LARGE1: variants seen among roughly 807,000 people sequenced by gnomAD.
The protein encoded by LARGE1 is xylosyl- and glucuronyltransferase LARGE1.
A neutral mutation model predicts 87.6 loss-of-function variants in LARGE1; 43 were observed. That is an observed-to-expected ratio of 0.49 (90% CI 0.38 to 0.63). The LOEUF is 0.63. LARGE1 is among the 30% of genes least tolerant of loss of function. The pLI is 0.00. For synonymous variants in LARGE1, 434 were observed against 394.6 expected, an observed-to-expected ratio of 1.10 and a Z score of -1.18; for missense variants, 802 against 1,000.2, an observed-to-expected ratio of 0.80 and a Z score of 2.67.
At chr22:33,177,967 T>C (rs565459808) in intron 11 of LARGE1, among the ~76,000 whole-genome samples, 32 of 152,326 alleles carry the variant, frequency 2.1e-4, no homozygotes, top group African/African-American at 7.7e-4. Flanking sequence ...TGTCTCCTGC[T>C]GCTACCTTGT....
intron 6 of LARGE1, among the ~76,000 whole-genome samples, chr22:33,522,155 C>CA (rs2071635928): frequency 1.3e-5 from 2 of 152,204 alleles, no homozygotes; most frequent in Non-Finnish European, 2.9e-5. Context: ...GATCACATTT[C>CA]AACATGAGAT....
intron 2 of LARGE1, among the ~76,000 whole-genome samples, chr22:33,665,283 T>C (rs2081235452): frequency 6.6e-6 from 1 of 152,214 alleles, no homozygotes; most frequent in Non-Finnish European, 1.5e-5. Context: ...TTCCTTTTTA[T>C]TTGCCTGTCT....
chr22:33,153,554 C>T, the LARGE1 span, among the ~76,000 whole-genome samples: 12 of 152,238 alleles, frequency 7.9e-5, no homozygotes, highest in East Asian at 5.8e-4. Flanking sequence ...TGAAATTTCC[C>T]GTCTTCATGG....
intron 6 of LARGE1, among the ~76,000 whole-genome samples, chr22:33,484,911 GTTTTTT>G (rs545498648): frequency 7.7e-6 from 1 of 130,384 alleles, no homozygotes; most frequent in Non-Finnish European, 1.6e-5. Flanking sequence ...TAATGAGGTG[GTTTTTT>G]TTTTTTTTTT....
At chr22:33,221,254 T>C (rs1400911839) in intron 11 of LARGE1, among the ~76,000 whole-genome samples, 1 of 152,198 alleles carries the variant, frequency 6.6e-6, no homozygotes, top group Non-Finnish European at 1.5e-5. Flanking sequence ...AATTTAGTGC[T>C]GTGTACATCT....
intron 1 of LARGE1, among the ~76,000 whole-genome samples, chr22:33,881,717 G>A (rs978672112): frequency 9.8e-5 from 15 of 152,306 alleles, no homozygotes; most frequent in Middle Eastern, 3.4e-3. Flanking sequence ...CCCACCTACA[G>A]AGTATATTTC....
chr22:33,748,745 A>C (rs2084197976), intron 2 of LARGE1, among the ~76,000 whole-genome samples: 1 of 152,224 alleles, frequency 6.6e-6, no homozygotes, highest in Non-Finnish European at 1.5e-5. Flanking sequence ...TTCTCACTAC[A>C]GGTCATTTTG....
intron 1 of LARGE1, among the ~76,000 whole-genome samples, chr22:33,886,675 GAAAAA>G (rs1211215216): frequency 3.1e-5 from 2 of 64,718 alleles, no homozygotes; most frequent in Non-Finnish European, 6.4e-5. Flanking sequence ...AAAAAAAAAA[GAAAAA>G]AAAAGGAAGG....
intron 6 of LARGE1, among the ~76,000 whole-genome samples, chr22:33,544,377 A>G (rs1035844152): frequency 5.2e-4 from 79 of 152,174 alleles, no homozygotes; most frequent in African/African-American, 1.8e-3. Context: ...ATCACAGTTT[A>G]GCAAATAGAG....
chr22:33,628,382 T>C (rs571305173), intron 3 of LARGE1, among the ~76,000 whole-genome samples: 2 of 151,366 alleles, frequency 1.3e-5, no homozygotes, highest in African/African-American at 4.8e-5. Flanking sequence ...AGTGGCACTA[T>C]CTCAGCTCAC....
At chr22:33,362,691 A>G (rs909531495) in intron 9 of LARGE1, among the ~76,000 whole-genome samples, 1 of 150,114 alleles carries the variant, frequency 6.7e-6, no homozygotes, top group Non-Finnish European at 1.5e-5. Context: ...ATTAAATATT[A>G]TTTGAGTTTA....
chr22:33,284,259 C>T (rs533546764), intron 12 of LARGE1, among the ~76,000 whole-genome samples: 18 of 152,290 alleles, frequency 1.2e-4, no homozygotes, highest in African/African-American at 2.9e-4. Context: ...GACAGAGAGC[C>T]GATGAGAGAA....
chr22:33,466,730 C>A (rs2068634645), intron 6 of LARGE1, among the ~76,000 whole-genome samples: 1 of 148,752 alleles, frequency 6.7e-6, no homozygotes, highest in Non-Finnish European at 1.5e-5. Flanking sequence ...ACACACACTA[C>A]ACACACACAC....
intron 10 of LARGE1, among the ~76,000 whole-genome samples, chr22:33,332,100 T>C (rs1937792497): frequency 6.6e-6 from 1 of 152,168 alleles, no homozygotes; most frequent in Admixed American, 6.5e-5. Flanking sequence ...GTCTGGCGAC[T>C]ACCTGAATTA....
At chr22:33,864,718 C>T (rs2064034579) in intron 1 of LARGE1, among the ~76,000 whole-genome samples, 1 of 152,146 alleles carries the variant, frequency 6.6e-6, no homozygotes, top group Admixed American at 6.5e-5. Flanking sequence ...CAGCAGAAGA[C>T]ATATAGATTT....
chr22:33,227,728 GA>G (rs1243937757), intron 11 of LARGE1, among the ~76,000 whole-genome samples: 1 of 152,144 alleles, frequency 6.6e-6, no homozygotes, highest in African/African-American at 2.4e-5. Context: ...GGATCTAAAA[GA>G]AAAAGTTTCC....
intron 11 of LARGE1, among the ~76,000 whole-genome samples, chr22:33,221,980 A>C (rs1925479768): frequency 6.6e-6 from 1 of 152,186 alleles, no homozygotes; most frequent in African/African-American, 2.4e-5. Flanking sequence ...CTGGCCCCTC[A>C]GCTTGTTCCA....
chr22:33,817,511 C>T (rs917748792), intron 1 of LARGE1, among the ~76,000 whole-genome samples: 4 of 152,066 alleles, frequency 2.6e-5, no homozygotes, highest in Admixed American at 6.6e-5. Context: ...ATACCCAGCA[C>T]GCTATCCATT....
At chr22:33,758,761 A>T (rs2145707578) in intron 2 of LARGE1, among the ~76,000 whole-genome samples, 1 of 152,320 alleles carries the variant, frequency 6.6e-6, no homozygotes, top group Admixed American at 6.5e-5. Flanking sequence ...CATAATCCAG[A>T]TCAACTTCTA....
Sources: allele counts gnomAD v4.1 joint callset (sites outside exome capture counted in the v4.1 genomes callset), GRCh38; gene constraint gnomAD v4.1.1; transcripts MANE v1.5; gene names NCBI Gene and HGNC (gene_info 2026-07-23, HGNC 2026-07-21).